Variants in LAMA4 observed in about 807,000 individuals in gnomAD.
LAMA4 encodes laminin subunit alpha-4.
Under a neutral mutation model 207.1 loss-of-function variants are expected in LAMA4, and 127 were observed. The ratio of observed to expected loss-of-function variants is 0.61; its 90% CI spans 0.53 to 0.71. The LOEUF (loss-of-function observed/expected upper bound fraction) is 0.71. LAMA4 is among the 30% of genes least tolerant of loss of function. The pLI, the probability that LAMA4 is intolerant of heterozygous loss-of-function variation, is 0.00. For missense variants in LAMA4, 2,093 were observed against 2,246.5 expected (o/e 0.93, Z 1.38); for synonymous variants, 761 against 816.0 (o/e 0.93, Z 1.15).
At position 112,161,308 on chromosome 6, in the gene LAMA4, A is replaced by G. The variant is rs186048414; in HGVS notation, c.1669-2428T>C. Among the ~76,000 whole-genome samples, 379 of 152,340 alleles carry G rather than the reference A, an allele frequency of 2.5e-3. 5 individuals carry two copies. The highest frequency in any genetic ancestry group is 8.3e-3 in the African/African-American group (344 of 41,588). On this transcript the variant is annotated intron_variant, in intron 13 of 38. Coordinates refer to ENST00000230538, the MANE Select transcript of LAMA4 (RefSeq NM_001105206.3). Reference sequence around the variant, plus strand: ...TTAACTCATCACATCATACAATCCTAGGAGGCAGGAACTGAGTTTAACTTA... The same window carrying G: ...TTAACTCATCACATCATACAATCCTGGGAGGCAGGAACTGAGTTTAACTTA...
intron 38 of LAMA4, among the ~76,000 whole-genome samples, chr6:112,112,081 C>G (rs1777732877): frequency 1.3e-5 from 2 of 152,168 alleles, no homozygotes; most frequent in African/African-American, 2.4e-5. Flanking sequence ...GTCATGTTCC[C>G]TGCCATCAAG....
chr6:112,233,799 CT>C, intron 2 of LAMA4, among the ~76,000 whole-genome samples: 1 of 152,200 alleles, frequency 6.6e-6, no homozygotes, highest in South Asian at 2.1e-4. Flanking sequence ...TCCTGGTAAT[CT>C]CTCTCAATAA....
intron 16 of LAMA4, among the ~76,000 whole-genome samples, chr6:112,153,080 T>C (rs1554336078): frequency 6.6e-6 from 1 of 152,102 alleles, no homozygotes; most frequent in Non-Finnish European, 1.5e-5. Context: ...ATAAATACTT[T>C]TCATTTTGCA....
Position 112,139,150 on chromosome 6 carries a change from G to A in LAMA4, c.3252C>T (p.Asp1084=), listed in dbSNP as rs1554332328. Residue 1084 remains aspartate (D), a synonymous_variant, in exon 24 of 39, where the codon GAC becomes GAT. Transcript: ENST00000230538. ...RFDIEVRTPA[D]NGLILLMVNG... ...TGACCATCAGGAGAATAAGGCCGTTGTCAGCTGGTGTTCGAACTTCTATGT... is the reference window on the plus strand; with the variant it reads ...TGACCATCAGGAGAATAAGGCCGTTATCAGCTGGTGTTCGAACTTCTATGT... 1 of 1,614,162 alleles carries A rather than the reference G, an allele frequency of 6.2e-7. No individual in the cohort carries two copies. The highest frequency in any genetic ancestry group is 1.7e-5 in the Admixed American group (1 of 60,024).
chr6:112,217,229 T>C (rs1258221932), intron 2 of LAMA4, among the ~76,000 whole-genome samples: 1 of 152,186 alleles, frequency 6.6e-6, no homozygotes, highest in Non-Finnish European at 1.5e-5. Flanking sequence ...TCCCCAGATA[T>C]CATTAGTGTG....
chr6:112,247,639 G>A (rs782360746), intron 2 of LAMA4, among the ~76,000 whole-genome samples: 3 of 152,048 alleles, frequency 2.0e-5, no homozygotes, highest in Non-Finnish European at 4.4e-5. Context: ...TTTCTTTACC[G>A]AGCTAGATTC....
intron 2 of LAMA4, among the ~76,000 whole-genome samples, chr6:112,226,292 G>T (rs770355073): frequency 3.3e-5 from 5 of 152,094 alleles, no homozygotes; most frequent in Non-Finnish European, 7.3e-5. Context: ...TCCTTAGCAT[G>T]ACATACAAGG....
At position 112,140,332 on chromosome 6, in the gene LAMA4, C is replaced by A. The variant is rs1449804876; in HGVS notation, c.2976+428G>T. ...ATCCCCCTTCATCAGATTTCATACT[C>A]TCTCCGAAGTCTCACCCCCTCTCTC... On this transcript the variant is annotated intron_variant, in intron 22 of 38. Transcript: ENST00000230538. 5.9e-5 allele frequency among the ~76,000 whole-genome samples: 9 copies of A among 152,294 alleles called. No individual in the cohort carries two copies. In the East Asian group the frequency reaches 1.7e-3, roughly 29 times the overall value.
At position 112,120,311 on chromosome 6, in the gene LAMA4, T is replaced by G. The variant is rs991241605; in HGVS notation, c.4637A>C (p.Glu1546Ala). The change falls in exon 33 of 39, where the codon GAG becomes GCG. Residue 1546 changes from glutamate to alanine, a missense_variant. Physicochemically the swap from Glu to Ala is moderately radical, Grantham distance 107. Around this residue, in one of 3 missense-constraint regions of LAMA4, gnomAD observed 383 missense variants for 437.8 expected, o/e 0.87. Transcript: ENST00000230538. ...GHKKLKIRSQ[E>A]KYNDGLWHDV... Reference sequence around the variant, plus strand: ...ATGCCACAGGCCATCATTGTATTTCTCCTGGCTTCTAATCTTCAGTTTTTT... The same window carrying G: ...ATGCCACAGGCCATCATTGTATTTCGCCTGGCTTCTAATCTTCAGTTTTTT... 6.2e-7 allele frequency: 1 copy of G among 1,613,846 alleles called. No individual in the cohort carries two copies. Among genetic ancestry groups the G allele is most frequent in the Non-Finnish European group, 8.5e-7 (1 of 1,179,998 alleles).
chr6:112,192,854 G>A (rs2114970348), intron 5 of LAMA4, among the ~76,000 whole-genome samples: 1 of 152,356 alleles, frequency 6.6e-6, no homozygotes, highest in African/African-American at 2.4e-5. Flanking sequence ...GCTGTTACTA[G>A]GCTCAAGTTG....
At chr6:112,133,598 C>T (rs1446756500) in intron 26 of LAMA4, 111 bp from the exon 27 acceptor site, 5 of 1,259,118 alleles carry the variant, frequency 4.0e-6, no homozygotes, top group East Asian at 4.7e-5. Flanking sequence ...GCTTTATAAT[C>T]ATTCATATTC....
Position 112,108,838 on chromosome 6 carries a change from G to A in LAMA4, c.*599C>T, listed in dbSNP as rs1777548171. 1.3e-5 allele frequency: 2 copies of A among 152,302 alleles called. No homozygotes were observed. 9.4% of individuals were successfully genotyped at this position (152,302 alleles called of 1,614,324 possible). A position where few individuals can be genotyped will look rare whatever the true frequency, so the allele number is the denominator to read the frequency against. On this transcript the variant is annotated 3_prime_UTR_variant, in exon 39 of 39. Transcript: ENST00000230538. ...GTTGATTTCCTGTGTTTCTTATTTA[G>A]AAAAAATTAAATTATACTGCATTTT... is the stretch of plus-strand genomic sequence containing the variant.
intron 38 of LAMA4, among the ~76,000 whole-genome samples, chr6:112,112,644 G>A (rs1387609414): frequency 1.4e-5 from 2 of 146,860 alleles, no homozygotes; most frequent in Non-Finnish European, 3.0e-5. Context: ...ATGGAGAGGG[G>A]AGTGGAAGCA....
chr6:112,116,044 A>G, intron 35 of LAMA4, 51 bp from the exon 36 acceptor site: 1 of 1,537,756 alleles, frequency 6.5e-7, no homozygotes, highest in East Asian at 2.3e-5. Context: ...TCATATTTGT[A>G]ACTATGGTGT....
intron 2 of LAMA4, among the ~76,000 whole-genome samples, chr6:112,229,248 T>C (rs1004027775): frequency 2.6e-5 from 4 of 152,222 alleles, no homozygotes; most frequent in East Asian, 1.9e-4. Context: ...CTTTCAATCA[T>C]GTCTTCCTCA....
chr6:112,252,842 A>G (rs1787555419), intron 2 of LAMA4, among the ~76,000 whole-genome samples: 1 of 152,008 alleles, frequency 6.6e-6, no homozygotes, highest in Non-Finnish European at 1.5e-5. Context: ...CCTCTTTTTC[A>G]TGGAGGCTAC....
intron 16 of LAMA4, among the ~76,000 whole-genome samples, chr6:112,151,818 A>G (rs1780420548): frequency 6.6e-6 from 1 of 152,092 alleles, no homozygotes; most frequent in African/African-American, 2.4e-5. Context: ...GTTTCCTTCT[A>G]TTCTCAGTTT....
intron 15 of LAMA4, among the ~76,000 whole-genome samples, 176 bp from the exon 16 acceptor site, chr6:112,155,123 T>C (rs1780628189): frequency 6.6e-6 from 1 of 152,232 alleles, no homozygotes. Context: ...GTAATGCCTT[T>C]GGCATTTTCA....
At chr6:112,226,854 G>A (rs1785242306) in intron 2 of LAMA4, among the ~76,000 whole-genome samples, 1 of 152,030 alleles carries the variant, frequency 6.6e-6, no homozygotes, top group African/African-American at 2.4e-5. Context: ...AGTTGCAAAG[G>A]AGAAACAGTA....
Sources: allele counts gnomAD v4.1 joint callset (sites outside exome capture counted in the v4.1 genomes callset), GRCh38; gene constraint gnomAD v4.1.1; regional missense constraint gnomAD v4.1.1; transcripts MANE v1.5; gene names NCBI Gene and HGNC (gene_info 2026-07-23, HGNC 2026-07-21).